The following MYO9B variants were observed in gnomAD, a reference collection of about 807,000 sequenced individuals.
The protein encoded by MYO9B is myosin IXB.
MYO9B carries 71 observed loss-of-function variants against 229.5 expected under a neutral mutation model. The observed-to-expected ratio is 0.31, with a 90% CI of 0.26 to 0.38. MYO9B has a LOEUF of 0.38. Among genes scored for constraint, MYO9B ranks in the 10% least tolerant of loss-of-function variants. The probability of loss-of-function intolerance (pLI) is 1.00; values close to 1 mark genes in which losing one functional copy is unlikely to be tolerated. For synonymous variants in MYO9B, 1,185 were observed against 1,235.8 expected (o/e 0.96, Z 0.86); for missense variants, 2,255 against 2,920.5 (o/e 0.77, Z 5.25).
intron 23 of MYO9B, 126 bp from the exon 24 acceptor site, chr19:17,198,058 G>A (rs547599568): frequency 2.0e-5 from 28 of 1,417,160 alleles, no homozygotes; most frequent in East Asian, 7.3e-5. Context: ...GTGAGACTCC[G>A]TTTCAAAAAA....
intron 2 of MYO9B, among the ~76,000 whole-genome samples, chr19:17,132,517 TTA>T (rs1419178015): frequency 6.3e-5 from 7 of 111,310 alleles, no homozygotes; most frequent in African/African-American, 1.6e-4. Context: ...TATTTATTTA[TTA>T]TTATTATTTT....
chr19:17,205,364 A>T, intron 31 of MYO9B, 28 bp downstream of exon 31: 1 of 1,600,934 alleles, frequency 6.2e-7, no homozygotes, highest in African/African-American at 1.3e-5. Flanking sequence ...GGAACTTTCT[A>T]CAATGACACT....
At chr19:17,122,677 A>G (rs1014660612) in intron 2 of MYO9B, among the ~76,000 whole-genome samples, 2 of 152,222 alleles carry the variant, frequency 1.3e-5, no homozygotes, top group Non-Finnish European at 2.9e-5. Flanking sequence ...TGAGCCCAGG[A>G]GTTTGGGACA....
chr19:17,157,193 C>A, intron 7 of MYO9B, 155 bp downstream of exon 7: 4 of 959,080 alleles, frequency 4.2e-6, no homozygotes, highest in Non-Finnish European at 5.9e-6. Context: ...GTGTTCCTTC[C>A]TCATTTCTGA....
chr19:17,103,053 C>CAAAAAA (rs55897174), intron 2 of MYO9B, among the ~76,000 whole-genome samples: 1 of 92,168 alleles, frequency 1.1e-5, no homozygotes, highest in Non-Finnish European at 2.2e-5. Flanking sequence ...CCCCTCTCTA[C>CAAAAAA]AAAAAAAAAA....
chr19:17,114,603 T>A (rs1292537615), intron 2 of MYO9B, among the ~76,000 whole-genome samples: 2 of 152,226 alleles, frequency 1.3e-5, no homozygotes, highest in African/African-American at 4.8e-5. Flanking sequence ...GACTTCCGCC[T>A]GCACTGAGAA....
chr19:17,205,186 C>T (rs1447002876), intron 30 of MYO9B, 77 bp from the exon 31 acceptor site: 10 of 1,242,344 alleles, frequency 8.0e-6, no homozygotes, highest in South Asian at 3.8e-5. Context: ...TGGCGGCCCC[C>T]GGCCAGCTGG....
intron 3 of MYO9B, among the ~76,000 whole-genome samples, chr19:17,147,094 G>A (rs1160831515): frequency 6.6e-6 from 1 of 152,222 alleles, no homozygotes; most frequent in Admixed American, 6.5e-5. Flanking sequence ...CCCCCACAAG[G>A]CAGTCAGTGG....
intron 38 of MYO9B, 107 bp from the exon 39 acceptor site, chr19:17,211,540 T>G: frequency 9.4e-7 from 1 of 1,064,156 alleles, no homozygotes; most frequent in South Asian, 1.8e-5. Context: ...TGGGGGGAGG[T>G]TGGGGACACA....
Position 17,203,207 on chromosome 19 carries a change from G to T in MYO9B, c.4939G>T (p.Glu1647Ter). ...SYQVSIPQSC[E>*]QCLSYIWLMD... is the part of the protein sequence containing the mutation. Reference sequence around the variant, plus strand: ...CCAGGTTAGCATCCCGCAGTCGTGCGAGCAGTGCCTCTCCTATATCTGGCT... The same window carrying T: ...CCAGGTTAGCATCCCGCAGTCGTGCTAGCAGTGCCTCTCCTATATCTGGCT... The change falls in exon 30 of 40, where the codon GAG becomes TAG. Residue 1647 changes from glutamate (E) to a stop codon, truncating the protein, a stop_gained. Coordinates refer to ENST00000682292, the MANE Select transcript of MYO9B (RefSeq NM_004145.4). LOFTEE classifies it high-confidence loss of function. The T allele has an allele frequency of 6.4e-7, 1 of 1,573,372 alleles. No homozygotes were observed. Among genetic ancestry groups the T allele is most frequent in the South Asian group, 1.2e-5 (1 of 85,488 alleles).
At chr19:17,174,179 G>C (rs551890546) in intron 13 of MYO9B, among the ~76,000 whole-genome samples, 2 of 151,748 alleles carry the variant, frequency 1.3e-5, no homozygotes, top group African/African-American at 4.8e-5. Context: ...ACAGGCACCC[G>C]CCACCACGCC....
chr19:17,168,092 G>A, intron 11 of MYO9B, 28 bp downstream of exon 11: 1 of 1,608,460 alleles, frequency 6.2e-7, no homozygotes. Context: ...GTCCATCCCG[G>A]CACATCTACG....
At chr19:17,125,115 C>T (rs535734865) in intron 2 of MYO9B, among the ~76,000 whole-genome samples, 5 of 152,224 alleles carry the variant, frequency 3.3e-5, no homozygotes, top group African/African-American at 1.2e-4. Flanking sequence ...GCCTGGGCAA[C>T]ATAATGAAAC....
At chr19:17,188,448 A>AG (rs1555702888) in intron 19 of MYO9B, among the ~76,000 whole-genome samples, 104 of 122,206 alleles carry the variant, frequency 8.5e-4, no homozygotes, top group East Asian at 6.1e-3. Flanking sequence ...AAAAAAAAAA[A>AG]AAGAAGAAAC....
chr19:17,159,338 T>G, intron 7 of MYO9B, 57 bp from the exon 8 acceptor site: 1 of 1,468,434 alleles, frequency 6.8e-7, no homozygotes, highest in Non-Finnish European at 9.3e-7. Flanking sequence ...TACCAGGACA[T>G]GCCTGATAAG....
chr19:17,185,923 A>T lies in MYO9B; in HGVS notation c.2499A>T (p.Thr833=), dbSNP rs571797159. 1.2e-6 allele frequency: 2 copies of T among 1,613,496 alleles called. No homozygotes were observed. Among genetic ancestry groups the T allele is most frequent in the African/African-American group, 2.7e-5 (2 of 75,022 alleles). The stretch of plus-strand genomic sequence containing the variant: ...ATGCTTTCTCTTTCCCTTAACAGAC[A>T]TCCCTTAACAAGCTCTTGGAGGCAC... The part of the protein sequence containing the change: ...KPPSISAQFQ[T]SLNKLLEALG... The change falls in exon 18 of 40, where the codon ACA becomes ACT. Residue 833 remains threonine, a splice_region_variant and synonymous_variant. Coordinates refer to ENST00000682292, the MANE Select transcript of MYO9B (RefSeq NM_004145.4).
chr19:17,163,993 C>T (rs1374739710), intron 10 of MYO9B, among the ~76,000 whole-genome samples: 1 of 152,312 alleles, frequency 6.6e-6, no homozygotes, highest in East Asian at 1.9e-4. Context: ...CGGGTATATA[C>T]CCAGAAGTGG....
intron 28 of MYO9B, 23 bp downstream of exon 28, chr19:17,202,326 C>T: frequency 6.5e-7 from 1 of 1,546,590 alleles, no homozygotes. Flanking sequence ...GCATGCCACG[C>T]CCACCTGTGA....
At chr19:17,118,636 C>T (rs1003252668) in intron 2 of MYO9B, among the ~76,000 whole-genome samples, 2 of 151,954 alleles carry the variant, frequency 1.3e-5, no homozygotes, top group African/African-American at 4.8e-5. Flanking sequence ...CGTGCGCCAT[C>T]ACGCCCACCT....
Sources: gnomAD v4.1 joint callset for allele counts (sites outside exome capture counted in the v4.1 genomes callset) on GRCh38, gnomAD v4.1.1 for gene constraint, MANE v1.5 for transcripts, NCBI Gene and HGNC (gene_info 2026-07-23, HGNC 2026-07-21) for gene names.